The following DUOXA1 variants were observed in gnomAD, a reference collection of about 807,000 sequenced individuals.
DUOXA1 encodes dual oxidase maturation factor 1, also known as dual oxidase activator 1.
In DUOXA1, 19 loss-of-function variants were observed where a neutral mutation model predicts 26.6. That is an observed-to-expected ratio of 0.71 (90% CI 0.50 to 1.05). The LOEUF is 1.05. Among genes scored for constraint, DUOXA1 ranks in the 50% least tolerant of loss-of-function variants. The pLI is 0.00. For missense variants in DUOXA1, 403 were observed against 427.5 expected, an observed-to-expected ratio of 0.94 and a Z score of 0.51; for synonymous variants, 166 against 177.0, an observed-to-expected ratio of 0.94 and a Z score of 0.49.
chr15:45,117,742 G>T lies in DUOXA1; in HGVS notation c.*1364C>A. The T allele has an allele frequency of 6.2e-7, 1 of 1,613,014 alleles. No homozygotes were observed. Among genetic ancestry groups the T allele is most frequent in the Non-Finnish European group, 8.5e-7 (1 of 1,179,170 alleles). On this transcript the variant is annotated 3_prime_UTR_variant, in exon 9 of 9. Coordinates refer to ENST00000560572, the MANE Select transcript of DUOXA1 (RefSeq NM_001276266.2). ...CGTCCTGTGCCTCTTCCTCGGAGGG[G>T]CCGTGGTGAGTCTCCAGTATGTTCG...
At position 45,122,168 on chromosome 15, in the gene DUOXA1, C is replaced by A; in HGVS notation, c.205+17G>T. On this transcript the variant is annotated intron_variant, in intron 5 of 8. Coordinates refer to ENST00000560572, the MANE Select transcript of DUOXA1 (RefSeq NM_001276266.2). ...GGATGGAGGCAGCAGCCCAAGTCAG[C>A]TGCACTTCGCACTCACCCAGGATTG... 6.3e-7 allele frequency: 1 copy of A among 1,590,170 alleles called. No individual in the cohort carries two copies. The highest frequency in any genetic ancestry group is 8.6e-7 in the Non-Finnish European group (1 of 1,167,602).
intron 3 of DUOXA1, among the ~76,000 whole-genome samples, chr15:45,127,518 T>C (rs1411853768): frequency 6.6e-6 from 1 of 152,246 alleles, no homozygotes; most frequent in East Asian, 1.9e-4. Flanking sequence ...TTTCTTCTTG[T>C]TCCATTTCAT....
chr15:45,121,200 C>A lies in DUOXA1; in HGVS notation c.227G>T (p.Trp76Leu). ...AILAVNFSSE[W>L]SVGQVSTNTS... ...GTTGGTGCTGACCTGGCCCACAGAC[C>A]ACTCAGAACTGAAATTCACAGCTGT... Residue 76 changes from tryptophan (W) to leucine (L), a missense_variant, in exon 6 of 9, where the codon TGG (tryptophan) becomes TTG (leucine). By Grantham distance (61) the Trp-to-Leu change is moderately conservative (BLOSUM62 -2). Coordinates refer to ENST00000560572, the MANE Select transcript of DUOXA1 (RefSeq NM_001276266.2). 6.2e-7 allele frequency: 1 copy of A among 1,614,156 alleles called. No homozygotes were observed. The highest frequency in any genetic ancestry group is 8.5e-7 in the Non-Finnish European group (1 of 1,180,030).
In DUOXA1 at chr15:45,121,111, C is replaced by G. The variant is rs1350703795; in HGVS notation, c.316G>C (p.Gly106Arg). Reference sequence around the variant, plus strand: ...CCTGTGAGTGTGATGTTGACTCCACCCAGCCCGACCTGCAGCCCAATATCA... The same window carrying G: ...CCTGTGAGTGTGATGTTGACTCCACGCAGCCCGACCTGCAGCCCAATATCA... ...SADIGLQVGL[G>R]GVNITLTGTP... The change falls in exon 6 of 9, where the codon GGT becomes CGT. Residue 106 changes from glycine to arginine, a missense_variant. Physicochemically the swap from Gly to Arg is moderately radical, Grantham distance 125 (BLOSUM62 -2). Coordinates refer to ENST00000560572, the MANE Select transcript of DUOXA1 (RefSeq NM_001276266.2). The G allele has an allele frequency of 6.2e-7, 1 of 1,614,162 alleles. No individual in the cohort carries two copies. Among genetic ancestry groups the G allele is most frequent in the Non-Finnish European group, 8.5e-7 (1 of 1,180,018 alleles).
chr15:45,122,037 A>G, intron 5 of DUOXA1, 148 bp downstream of exon 5: 3 of 793,868 alleles, frequency 3.8e-6, no homozygotes, highest in South Asian at 3.1e-5. Context: ...AGATAAGGCC[A>G]TGGTGAGAGA....
intron 3 of DUOXA1, among the ~76,000 whole-genome samples, chr15:45,125,708 G>T (rs1200484782): frequency 6.6e-6 from 1 of 151,930 alleles, no homozygotes; most frequent in Non-Finnish European, 1.5e-5. Flanking sequence ...TGTTCTCCAG[G>T]GGCTCCTGCT....
intron 6 of DUOXA1, 100 bp downstream of exon 6, chr15:45,120,987 C>A (rs1895143534): frequency 3.8e-6 from 6 of 1,568,654 alleles, no homozygotes; most frequent in Admixed American, 1.8e-5. Context: ...ATCCTCCCAG[C>A]CCCTGTGCCA....
At chr15:45,120,843 G>C (rs775239025) in intron 6 of DUOXA1, 38 bp from the exon 7 acceptor site, 3 of 1,606,056 alleles carry the variant, frequency 1.9e-6, no homozygotes, top group Non-Finnish European at 2.6e-6. Flanking sequence ...AGGAACCCAA[G>C]GGCCAGAGTG....
In DUOXA1 at chr15:45,117,970, C is replaced by G; in HGVS notation, c.*1136G>C. The G allele has an allele frequency of 6.2e-7, 1 of 1,612,846 alleles. No homozygotes were observed. Among genetic ancestry groups the G allele is most frequent in the Non-Finnish European group, 8.5e-7 (1 of 1,179,786 alleles). ...ACATCGCAGGCCGGGAAGCAGTGCC[C>G]GCCAGGCCTGGGCCAGGAGAGCTCC... On this transcript the variant is annotated 3_prime_UTR_variant, in exon 9 of 9. Coordinates refer to ENST00000560572, the MANE Select transcript of DUOXA1 (RefSeq NM_001276266.2).
intron 4 of DUOXA1, 99 bp downstream of exon 4, chr15:45,122,769 G>A: frequency 7.1e-7 from 1 of 1,412,720 alleles, no homozygotes; most frequent in Non-Finnish European, 9.5e-7. Context: ...TCCGCACTGG[G>A]GTCTCCTTCC....
rs751634904 is a variant in DUOXA1 at position 45,122,858 on chromosome 15, G to T, written c.147+10C>A. 4 of 1,604,238 alleles carry T rather than the reference G, an allele frequency of 2.5e-6. No individual in the cohort carries two copies. Among genetic ancestry groups the T allele is most frequent in the South Asian group, 2.2e-5 (2 of 89,334 alleles). On this transcript the variant is annotated intron_variant, in intron 4 of 8. Coordinates refer to ENST00000560572, the MANE Select transcript of DUOXA1 (RefSeq NM_001276266.2). ...CTCTGGGCTGGGGTCTCCAGGACTG[G>T]GTTTCTCACCGTCTTTCCCCGAATG...
At chr15:45,121,310 G>A (rs769795722) in intron 5 of DUOXA1, 89 bp from the exon 6 acceptor site, 16 of 1,580,462 alleles carry the variant, frequency 1.0e-5, no homozygotes, top group Non-Finnish European at 1.3e-5. Flanking sequence ...AGGGGTCCAT[G>A]TCTGTTTTGG....
rs374524880 is a variant in DUOXA1, at chr15:45,119,179, G to C, written c.959C>G (p.Pro320Arg). ...MADSPKSQDIPLSEASSTKAY... is the reference protein window; with the variant it reads ...MADSPKSQDIRLSEASSTKAY... ...CTTGGTGGAGGAAGCCTCTGACAGG[G>C]GAATGTCCTGGGACTTGGGACTGTC... The change falls in exon 9 of 9, where the codon CCC becomes CGC. Residue 320 changes from proline to arginine, a missense_variant. By Grantham distance (103) the Pro-to-Arg change is moderately radical. Transcript: ENST00000560572. The C allele has an allele frequency of 6.5e-5, 105 of 1,612,726 alleles. No homozygotes were observed. Among genetic ancestry groups the C allele is most frequent in the Admixed American group, 2.2e-4 (13 of 59,988 alleles).
At position 45,118,273 on chromosome 15, in the gene DUOXA1, C is replaced by T; in HGVS notation, c.*833G>A. On this transcript the variant is annotated 3_prime_UTR_variant, in exon 9 of 9. Transcript: ENST00000560572. ...GCGCCCTCTAGTGAGGCCGGAGGGA[C>T]CCTACCAGAGCTAGCATCTTTCTGA... is the stretch of plus-strand genomic sequence containing the variant. 3 of 1,367,004 alleles carry T rather than the reference C, an allele frequency of 2.2e-6. No homozygotes were observed. The highest frequency in any genetic ancestry group is 2.8e-6 in the Non-Finnish European group (3 of 1,065,792). 84.7% of individuals were successfully genotyped at this position (1,367,004 alleles called of 1,614,324 possible).
At position 45,117,699 on chromosome 15, in the gene DUOXA1, G is replaced by C. The variant is rs746763725; in HGVS notation, c.*1407C>G. 1.9e-5 allele frequency: 31 copies of C among 1,613,394 alleles called. 1 individual carries two copies. Among genetic ancestry groups the C allele is most frequent in the East Asian group, 6.7e-5 (3 of 44,852 alleles). On this transcript the variant is annotated 3_prime_UTR_variant, in exon 9 of 9. Transcript: ENST00000560572. ...GACTCCACATGCCCTCCTTTCTTTC[G>C]ATCCCCACCGCCACAGGCGTCCTGT...
chr15:45,123,752 C>T (rs1175303867), intron 3 of DUOXA1, among the ~76,000 whole-genome samples: 1 of 152,224 alleles, frequency 6.6e-6, no homozygotes, highest in Non-Finnish European at 1.5e-5. Context: ...CCAACAATGG[C>T]CCTTCTCTTT....
chr15:45,126,619 T>C (rs1241711295), intron 3 of DUOXA1, among the ~76,000 whole-genome samples: 1 of 152,238 alleles, frequency 6.6e-6, no homozygotes, highest in Non-Finnish European at 1.5e-5. Context: ...TGTAATCTCC[T>C]TGAGGGCAGA....
intron 3 of DUOXA1, among the ~76,000 whole-genome samples, chr15:45,124,232 C>T (rs6493135): frequency 0.16 from 23,600 of 152,070 alleles, 4,661 homozygotes; most frequent in African/African-American, 0.46. Context: ...TGAATTCTGC[C>T]TCTGCCTCTT....
Position 45,122,914 on chromosome 15 carries a change from G to A in DUOXA1, c.101C>T (p.Ala34Val). ...LASIIMIFLT[A>V]LATFIVILPG... ...CAGGATGACGATGAACGTGGCCAGT[G>A]CAGTCAGAAAGATCATGATGATGCT... Residue 34 changes from alanine to valine, a missense_variant, in exon 4 of 9, where the codon GCA becomes GTA. Ala to Val is a moderately conservative substitution (Grantham distance 64). Transcript: ENST00000560572. The A allele has an allele frequency of 6.2e-7, 1 of 1,613,040 alleles. No homozygotes were observed. The highest frequency in any genetic ancestry group is 8.5e-7 in the Non-Finnish European group (1 of 1,179,670).
Sources: gnomAD v4.1 joint callset for allele counts (sites outside exome capture counted in the v4.1 genomes callset) on GRCh38, gnomAD v4.1.1 for gene constraint, MANE v1.5 for transcripts, NCBI Gene and HGNC (gene_info 2026-07-23, HGNC 2026-07-21) for gene names.